DPYD: variants seen among roughly 807,000 people sequenced by gnomAD.
DPYD encodes the protein dihydropyrimidine dehydrogenase [NADP(+)].
In DPYD, 109 loss-of-function variants were observed where a neutral mutation model predicts 116.2. The ratio of observed to expected loss-of-function variants is 0.94; its 90% CI spans 0.80 to 1.10. DPYD has a LOEUF of 1.10. Ranked by LOEUF, DPYD falls within the 50% of genes least tolerant of loss-of-function variation. The pLI, the probability that DPYD is intolerant of heterozygous loss-of-function variation, is 0.00. For synonymous variants in DPYD, 440 were observed against 432.0 expected (o/e 1.02, Z -0.23); for missense variants, 1,302 against 1,254.5 (o/e 1.04, Z -0.57).
rs552353695 is a variant in DPYD, at chr1:97,401,174, AT to A, written c.1906-18714del. ...TTAAAATCTGGTTCGTTGTTTTCTT[AT>A]TGTTGAGTTTTAAGTGTTCTTTGTG... On this transcript the variant is annotated intron_variant, in intron 14 of 22. Transcript: ENST00000370192. 5.3e-5 allele frequency among the ~76,000 whole-genome samples: 8 copies of A among 152,102 alleles called. No individual in the cohort carries two copies. In the South Asian group the frequency reaches 8.3e-4, roughly 16 times the overall value.
chr1:97,329,413 T>C (rs566255776), intron 16 of DPYD, among the ~76,000 whole-genome samples: 1 of 152,160 alleles, frequency 6.6e-6, no homozygotes, highest in East Asian at 1.9e-4. Flanking sequence ...TAAAGTGATG[T>C]TTGATGAGCA....
intron 2 of DPYD, among the ~76,000 whole-genome samples, chr1:97,871,759 C>T (rs149419406): frequency 5.3e-5 from 8 of 151,838 alleles, no homozygotes; most frequent in Non-Finnish European, 1.2e-4. Context: ...CATTACCATC[C>T]TCAGTATCTT....
At chr1:97,860,859 A>G (rs1671075604) in intron 2 of DPYD, among the ~76,000 whole-genome samples, 1 of 152,024 alleles carries the variant, frequency 6.6e-6, no homozygotes, top group Non-Finnish European at 1.5e-5. Flanking sequence ...TTGTCCTCTC[A>G]AACGATAAAA....
chr1:97,773,031 A>C (rs1666222536), intron 3 of DPYD, among the ~76,000 whole-genome samples: 1 of 152,218 alleles, frequency 6.6e-6, no homozygotes, highest in African/African-American at 2.4e-5. Flanking sequence ...TAAGAAATTT[A>C]AAATTTGTTT....
At chr1:97,306,369 G>T (rs1352701849) in intron 16 of DPYD, 72 bp from the exon 17 acceptor site, 2 of 1,595,858 alleles carry the variant, frequency 1.3e-6, no homozygotes, top group African/African-American at 1.3e-5. Context: ...TGGAACAACA[G>T]CAAAGCTGGA....
At chr1:97,413,057 C>T (rs1328074057) in intron 14 of DPYD, among the ~76,000 whole-genome samples, 1 of 152,212 alleles carries the variant, frequency 6.6e-6, no homozygotes, top group African/African-American at 2.4e-5. Flanking sequence ...TCATATGCTA[C>T]ACTTTTCAAC....
At chr1:97,350,586 G>C (rs1046627429) in intron 16 of DPYD, among the ~76,000 whole-genome samples, 1 of 152,138 alleles carries the variant, frequency 6.6e-6, no homozygotes, top group Non-Finnish European at 1.5e-5. Flanking sequence ...TATTGGAGCA[G>C]TTGTGTTTAA....
intron 19 of DPYD, among the ~76,000 whole-genome samples, chr1:97,211,099 T>C (rs1366612543): frequency 1.3e-5 from 2 of 152,182 alleles, no homozygotes; most frequent in South Asian, 2.1e-4. Flanking sequence ...AGACCAACAA[T>C]GTCTTGCCTC....
At chr1:97,094,000 G>A (rs544864579) in intron 21 of DPYD, among the ~76,000 whole-genome samples, 10 of 151,980 alleles carry the variant, frequency 6.6e-5, no homozygotes, top group Admixed American at 2.0e-4. Flanking sequence ...AGCCTGGATC[G>A]TTCTCATATA....
intron 16 of DPYD, among the ~76,000 whole-genome samples, chr1:97,316,507 C>CTT (rs1371221702): frequency 1.1e-5 from 1 of 94,428 alleles, no homozygotes; most frequent in Non-Finnish European, 2.5e-5. Flanking sequence ...GAGCAAGACT[C>CTT]TGTCTCAATA....
chr1:97,256,189 A>C (rs1189027205), intron 18 of DPYD, among the ~76,000 whole-genome samples: 1 of 152,112 alleles, frequency 6.6e-6, no homozygotes, highest in African/African-American at 2.4e-5. Flanking sequence ...CCGCTAATAA[A>C]AGCGCTAGTA....
chr1:97,089,590 C>T (rs1484167558), intron 21 of DPYD, among the ~76,000 whole-genome samples: 1 of 152,138 alleles, frequency 6.6e-6, no homozygotes, highest in Non-Finnish European at 1.5e-5. Context: ...TTCCCATCAG[C>T]CTTCCAGTAC....
intron 14 of DPYD, among the ~76,000 whole-genome samples, chr1:97,439,303 T>A (rs916586936): frequency 1.3e-5 from 2 of 152,144 alleles, no homozygotes; most frequent in South Asian, 4.1e-4. Flanking sequence ...GTATTCCCTC[T>A]ATTTTACATT....
intron 21 of DPYD, among the ~76,000 whole-genome samples, chr1:97,084,513 G>C (rs912455941): frequency 2.7e-5 from 4 of 150,528 alleles, no homozygotes; most frequent in African/African-American, 9.8e-5. Flanking sequence ...AATTTTTTTT[G>C]ATGGCCAATA....
At chr1:97,372,764 C>T (rs1671370917) in intron 16 of DPYD, among the ~76,000 whole-genome samples, 1 of 151,648 alleles carries the variant, frequency 6.6e-6, no homozygotes, top group African/African-American at 2.4e-5. Flanking sequence ...AAGGTGGGGA[C>T]CTACTAAGTA....
At chr1:97,449,948 T>C in intron 14 of DPYD, 111 bp downstream of exon 14, 1 of 1,393,204 alleles carries the variant, frequency 7.2e-7, no homozygotes, top group Non-Finnish European at 1.0e-6. Flanking sequence ...ACTGGCAGAT[T>C]CTTTAATAAA....
At chr1:97,893,911 A>G (rs960744017) in intron 1 of DPYD, among the ~76,000 whole-genome samples, 4 of 151,844 alleles carry the variant, frequency 2.6e-5, no homozygotes, top group Admixed American at 6.6e-5. Flanking sequence ...GAAAAGATTG[A>G]CAATTCAAAC....
chr1:97,420,102 C>CA (rs34653351), intron 14 of DPYD: 34,655 of 152,032 alleles, frequency 0.23, 4,150 homozygotes, highest in Middle Eastern at 0.31. Context: ...CAGAGCCTGG[C>CA]AAAAAGGGCC....
At chr1:97,867,594 C>T (rs1671448329) in intron 2 of DPYD, among the ~76,000 whole-genome samples, 1 of 151,754 alleles carries the variant, frequency 6.6e-6, no homozygotes, top group Admixed American at 6.6e-5. Context: ...TGTGATATAC[C>T]ACATTAATAG....
Sources: allele counts gnomAD v4.1 joint callset (sites outside exome capture counted in the v4.1 genomes callset), GRCh38; gene constraint gnomAD v4.1.1; transcripts MANE v1.5; gene names NCBI Gene and HGNC (gene_info 2026-07-23, HGNC 2026-07-21).